MAPK8: variants seen among roughly 807,000 people sequenced by gnomAD.
The protein encoded by MAPK8 is JUN N-terminal kinase.
MAPK8 carries 13 observed loss-of-function variants against 52.9 expected under a neutral mutation model. The ratio of observed to expected loss-of-function variants is 0.25; its 90% CI spans 0.16 to 0.39. The LOEUF (loss-of-function observed/expected upper bound fraction) is 0.39, where lower values mean the gene tolerates loss of function less well. Among genes scored for constraint, MAPK8 ranks in the 10% least tolerant of loss-of-function variants. The probability of loss-of-function intolerance (pLI) is 1.00; values close to 1 mark genes in which losing one functional copy is unlikely to be tolerated. For missense variants in MAPK8, 300 were observed against 519.2 expected, an observed-to-expected ratio of 0.58 and a Z score of 4.10; for synonymous variants, 191 against 169.8, an observed-to-expected ratio of 1.12 and a Z score of -0.97.
At chr10:48,355,743 GAAC>G (rs1846850403) in intron 1 of MAPK8, among the ~76,000 whole-genome samples, 1 of 152,078 alleles carries the variant, frequency 6.6e-6, no homozygotes, top group Non-Finnish European at 1.5e-5. Flanking sequence ...TGCATCTTGT[GAAC>G]AACACTAAAC....
At chr10:48,426,110 TGTGTA>T (rs773555345) in intron 8 of MAPK8, 40 bp downstream of exon 8, 65 of 1,514,588 alleles carry the variant, frequency 4.3e-5, no homozygotes, top group Non-Finnish European at 5.6e-5. Flanking sequence ...CCATTTGGGG[TGTGTA>T]GTGTGTGTGT....
intron 1 of MAPK8, among the ~76,000 whole-genome samples, chr10:48,340,473 T>G (rs1344830211): frequency 6.6e-6 from 1 of 152,106 alleles, no homozygotes; most frequent in Admixed American, 6.6e-5. Flanking sequence ...CAACAGAAGC[T>G]CAGACCCCAG....
intron 1 of MAPK8, among the ~76,000 whole-genome samples, chr10:48,366,053 T>G (rs977402519): frequency 6.8e-6 from 1 of 146,488 alleles, no homozygotes; most frequent in Admixed American, 6.8e-5. Flanking sequence ...TAGAATTCAG[T>G]TTTTTTTTTC....
chr10:48,411,723 A>G (rs11101315), intron 5 of MAPK8, among the ~76,000 whole-genome samples: 9,373 of 152,174 alleles, frequency 0.062, 976 homozygotes, highest in African/African-American at 0.21. Context: ...TCGTAACAAT[A>G]TTTAGTCTTC....
At chr10:48,308,759 A>G (rs1271231363) in intron 1 of MAPK8, among the ~76,000 whole-genome samples, 1 of 152,190 alleles carries the variant, frequency 6.6e-6, no homozygotes, top group Non-Finnish European at 1.5e-5. Flanking sequence ...TATTAGAAAT[A>G]TTTCTAATAT....
At chr10:48,416,091 T>C (rs539965726) in intron 5 of MAPK8, among the ~76,000 whole-genome samples, 1 of 152,326 alleles carries the variant, frequency 6.6e-6, no homozygotes, top group Admixed American at 6.5e-5. Flanking sequence ...CTACTACTTA[T>C]TCTAGATTCA....
intron 1 of MAPK8, among the ~76,000 whole-genome samples, chr10:48,347,765 T>C (rs1253628499): frequency 6.6e-6 from 1 of 152,224 alleles, no homozygotes; most frequent in African/African-American, 2.4e-5. Flanking sequence ...CTATGGTATA[T>C]ATGTGCCACT....
At chr10:48,431,859 G>A (rs536595288) in intron 11 of MAPK8, among the ~76,000 whole-genome samples, 1 of 152,160 alleles carries the variant, frequency 6.6e-6, no homozygotes, top group Non-Finnish European at 1.5e-5. Context: ...CAGGTAACAT[G>A]TACACTAAGT....
chr10:48,434,170 G>A (rs894851371), intron 11 of MAPK8, among the ~76,000 whole-genome samples: 7 of 152,146 alleles, frequency 4.6e-5, no homozygotes, highest in Non-Finnish European at 8.8e-5. Context: ...AAAGGAAACT[G>A]TTTGCTCTTA....
intron 1 of MAPK8, among the ~76,000 whole-genome samples, chr10:48,333,774 A>G (rs574914464): frequency 2.0e-4 from 30 of 152,382 alleles, no homozygotes; most frequent in African/African-American, 6.7e-4. Context: ...CAGGCTGTGG[A>G]TGCCTCTGCG....
At position 48,315,598 on chromosome 10, in the gene MAPK8, TAA is replaced by T. The variant is rs941328883; in HGVS notation, c.-50+8778_-50+8779del. 1.2e-3 allele frequency among the ~76,000 whole-genome samples: 140 copies of T among 117,018 alleles called. 1 individual carries two copies. The highest frequency in any genetic ancestry group is 4.0e-3 in the African/African-American group (132 of 32,804). The allele number at this position is 117,018 out of a possible 152,430, so 76.8% of individuals were successfully genotyped here. ...ATTTTTTTTTGCTGTTTTATATATTTAAGTTTTTTTTTTTTTGCTGGAAATGG... is the reference window on the plus strand; with the variant it reads ...ATTTTTTTTTGCTGTTTTATATATTTGTTTTTTTTTTTTTGCTGGAAATGG... On this transcript the variant is annotated intron_variant, in intron 1 of 11. Coordinates refer to ENST00000374189, the MANE Select transcript of MAPK8 (RefSeq NM_001323329.2).
At chr10:48,367,754 A>C (rs1848184619) in intron 1 of MAPK8, among the ~76,000 whole-genome samples, 1 of 152,220 alleles carries the variant, frequency 6.6e-6, no homozygotes. Flanking sequence ...GTGTCATGAG[A>C]AGTATAAATA....
intron 1 of MAPK8, among the ~76,000 whole-genome samples, chr10:48,389,034 T>C (rs1212952638): frequency 6.6e-6 from 1 of 152,166 alleles, no homozygotes. Context: ...TCACATATTG[T>C]TTCTACTACT....
At chr10:48,359,517 C>T (rs916721392) in intron 1 of MAPK8, among the ~76,000 whole-genome samples, 6 of 152,000 alleles carry the variant, frequency 3.9e-5, no homozygotes, top group South Asian at 2.1e-4. Context: ...TATCAGATAT[C>T]GATATATTAT....
chr10:48,393,606 A>G (rs2041740372), intron 1 of MAPK8, among the ~76,000 whole-genome samples: 2 of 152,116 alleles, frequency 1.3e-5, no homozygotes, highest in African/African-American at 4.8e-5. Context: ...TTAAAATAGT[A>G]TTTACAAAGC....
At chr10:48,389,432 A>G (rs1477118759) in intron 1 of MAPK8, among the ~76,000 whole-genome samples, 2 of 152,154 alleles carry the variant, frequency 1.3e-5, no homozygotes, top group Non-Finnish European at 2.9e-5. Context: ...ATCCTGTAAC[A>G]TGTGGTTCTG....
At chr10:48,407,292 C>T (rs1434309455) in intron 3 of MAPK8, among the ~76,000 whole-genome samples, 1 of 152,194 alleles carries the variant, frequency 6.6e-6, no homozygotes, top group Non-Finnish European at 1.5e-5. Context: ...AATTCATCAT[C>T]TTATTCACAT....
At chr10:48,381,403 A>G (rs2040996762) in intron 1 of MAPK8, among the ~76,000 whole-genome samples, 1 of 151,592 alleles carries the variant, frequency 6.6e-6, no homozygotes, top group Non-Finnish European at 1.5e-5. Context: ...AACACATCCT[A>G]CTTTCATTGT....
intron 2 of MAPK8, among the ~76,000 whole-genome samples, chr10:48,403,809 C>T (rs1589203423): frequency 1.3e-5 from 2 of 151,784 alleles, no homozygotes; most frequent in South Asian, 2.1e-4. Context: ...AGTGCAGTGG[C>T]GTGATCTTGG....
Sources: allele counts gnomAD v4.1 joint callset (sites outside exome capture counted in the v4.1 genomes callset), GRCh38; gene constraint gnomAD v4.1.1; transcripts MANE v1.5; gene names NCBI Gene and HGNC (gene_info 2026-07-23, HGNC 2026-07-21).